Variants in GPC5 observed in about 807,000 individuals in gnomAD.
GPC5 encodes the protein glypican 5.
In GPC5, 47 loss-of-function variants were observed where a neutral mutation model predicts 53.9. That is an observed-to-expected ratio of 0.87 (90% confidence interval 0.69 to 1.11). The LOEUF (loss-of-function observed/expected upper bound fraction) is 1.11, where lower values mean the gene tolerates loss of function less well. Ranked by LOEUF, GPC5 falls within the 50% of genes most tolerant of loss-of-function variation. The probability of loss-of-function intolerance (pLI) is 0.00; values close to 1 mark genes in which losing one functional copy is unlikely to be tolerated. For missense variants in GPC5, 748 were observed against 713.1 expected (o/e 1.05, Z -0.56); for synonymous variants, 286 against 263.3 (o/e 1.09, Z -0.84).
chr13:91,764,887 T>C (rs751803451), intron 5 of GPC5, among the ~76,000 whole-genome samples: 1 of 152,238 alleles, frequency 6.6e-6, no homozygotes, highest in Non-Finnish European at 1.5e-5. Context: ...TGATGTTTTC[T>C]AGCCTGGCAG....
intron 7 of GPC5, among the ~76,000 whole-genome samples, chr13:92,488,606 T>C (rs7350692): frequency 0.59 from 89,074 of 152,006 alleles, 26,800 homozygotes; most frequent in East Asian, 0.75. Context: ...TCATTTTTGT[T>C]GTTTGCTAAT....
chr13:92,629,354 A>G (rs904062472), intron 7 of GPC5, among the ~76,000 whole-genome samples: 1 of 152,190 alleles, frequency 6.6e-6, no homozygotes, highest in Non-Finnish European at 1.5e-5. Context: ...TTTGTGACAC[A>G]TAGATGAAGG....
At chr13:92,269,452 C>T (rs1396918872) in intron 7 of GPC5, among the ~76,000 whole-genome samples, 4 of 152,058 alleles carry the variant, frequency 2.6e-5, no homozygotes, top group Admixed American at 2.0e-4. Context: ...GTCGTCCAGG[C>T]TGGAGTGCAG....
chr13:91,581,088 C>A (rs962264055), intron 2 of GPC5, among the ~76,000 whole-genome samples: 1 of 152,128 alleles, frequency 6.6e-6, no homozygotes, highest in Non-Finnish European at 1.5e-5. Flanking sequence ...GGGGAAACTG[C>A]CTCCATGATT....
At position 91,915,102 on chromosome 13, in the gene GPC5, C is replaced by T. The variant is rs145521791; in HGVS notation, c.1401+7045C>T. ...ACTCCATTACATGACATTGTCACAT[C>T]CCCAGGCTTATGATACTAATATTCC... is the stretch of plus-strand genomic sequence containing the variant. On this transcript the variant is annotated intron_variant, in intron 6 of 7. Coordinates refer to ENST00000377067, the MANE Select transcript of GPC5 (RefSeq NM_004466.6). Among the ~76,000 whole-genome samples, 1,292 of 152,254 alleles carry T rather than the reference C, an allele frequency of 8.5e-3. 15 individuals carry two copies. The highest frequency in any genetic ancestry group is 0.011 in the Non-Finnish European group (750 of 68,010).
chr13:91,658,466 C>T (rs546379735), intron 2 of GPC5, among the ~76,000 whole-genome samples: 33 of 152,202 alleles, frequency 2.2e-4, no homozygotes, highest in East Asian at 9.6e-4. Flanking sequence ...ATAAGGCCAA[C>T]TAATTCACAT....
At chr13:92,540,703 C>T (rs1594289053) in intron 7 of GPC5, among the ~76,000 whole-genome samples, 1 of 151,910 alleles carries the variant, frequency 6.6e-6, no homozygotes, top group Non-Finnish European at 1.5e-5. Flanking sequence ...TTAATGGCTA[C>T]ATATGCCCTC....
intron 7 of GPC5, among the ~76,000 whole-genome samples, chr13:92,786,854 C>CGGG (rs1566418159): frequency 6.6e-6 from 1 of 152,006 alleles, no homozygotes; most frequent in African/African-American, 2.4e-5. Context: ...GAAAGGCCCC[C>CGGG]GGACATGGAG....
intron 7 of GPC5, among the ~76,000 whole-genome samples, chr13:92,560,020 C>T (rs1389556372): frequency 6.6e-6 from 1 of 151,558 alleles, no homozygotes; most frequent in Non-Finnish European, 1.5e-5. Context: ...CACAGGGTAT[C>T]GCTTTTTAGC....
intron 1 of GPC5, among the ~76,000 whole-genome samples, chr13:91,432,540 C>T (rs573058233): frequency 6.6e-6 from 1 of 152,232 alleles, no homozygotes; most frequent in Admixed American, 6.5e-5. Flanking sequence ...GCAGTATTAG[C>T]TCTTCTATCT....
At chr13:91,490,745 T>C (rs1338773807) in intron 2 of GPC5, among the ~76,000 whole-genome samples, 1 of 152,216 alleles carries the variant, frequency 6.6e-6, no homozygotes, top group East Asian at 1.9e-4. Context: ...AAAAGCTAAA[T>C]GTACAAGTTA....
intron 7 of GPC5, among the ~76,000 whole-genome samples, chr13:92,200,780 G>A (rs1283906381): frequency 6.6e-6 from 1 of 152,230 alleles, no homozygotes; most frequent in East Asian, 1.9e-4. Flanking sequence ...GATTGGACGA[G>A]CCCTGGTCAG....
chr13:92,274,001 T>C (rs933429284), intron 7 of GPC5, among the ~76,000 whole-genome samples: 3 of 152,172 alleles, frequency 2.0e-5, no homozygotes, highest in African/African-American at 7.2e-5. Flanking sequence ...TTGACTAGTT[T>C]CTTTAACAAC....
intron 7 of GPC5, among the ~76,000 whole-genome samples, chr13:92,640,218 A>G (rs1885546680): frequency 6.6e-6 from 1 of 152,064 alleles, no homozygotes; most frequent in African/African-American, 2.4e-5. Context: ...AAGAAGCACT[A>G]ATACCTTAAG....
chr13:91,809,256 C>T (rs560388179), intron 5 of GPC5, among the ~76,000 whole-genome samples: 1 of 152,214 alleles, frequency 6.6e-6, no homozygotes, highest in Admixed American at 6.5e-5. Context: ...CAGTATTCAA[C>T]AGTTATTTTA....
chr13:92,520,437 C>A lies in GPC5; in HGVS notation c.1562-345845C>A, dbSNP rs181281137. 3.6e-3 allele frequency among the ~76,000 whole-genome samples: 545 copies of A among 152,252 alleles called. 1 individual carries two copies. The highest frequency in any genetic ancestry group is 0.012 in the African/African-American group (506 of 41,546). ...ATCAAAAAAGCTTATACACCATGAT[C>A]AAGTGCACTTCATCCCTGGGATGCA... On this transcript the variant is annotated intron_variant, in intron 7 of 7. Transcript: ENST00000377067.
At chr13:91,785,057 A>G (rs1566682906) in intron 5 of GPC5, among the ~76,000 whole-genome samples, 1 of 152,176 alleles carries the variant, frequency 6.6e-6, no homozygotes, top group African/African-American at 2.4e-5. Context: ...GGCTACACGG[A>G]TTCCACATTC....
chr13:92,565,653 A>G (rs1034175419), intron 7 of GPC5, among the ~76,000 whole-genome samples: 7 of 152,116 alleles, frequency 4.6e-5, no homozygotes, highest in African/African-American at 1.4e-4. Context: ...GTTAGAGCAC[A>G]GAGTTGTAAA....
chr13:91,773,173 T>G (rs956798048), intron 5 of GPC5, among the ~76,000 whole-genome samples: 2 of 152,148 alleles, frequency 1.3e-5, no homozygotes, highest in African/African-American at 4.8e-5. Context: ...GTATTGCATA[T>G]TTCTGGAAGA....
Sources: gnomAD v4.1 joint callset for allele counts (sites outside exome capture counted in the v4.1 genomes callset) on GRCh38, gnomAD v4.1.1 for gene constraint, MANE v1.5 for transcripts, NCBI Gene and HGNC (gene_info 2026-07-23, HGNC 2026-07-21) for gene names.